Variants in CALCRL observed in about 807,000 individuals in gnomAD.
CALCRL encodes calcitonin gene-related peptide type 1 receptor.
In CALCRL, 27 loss-of-function variants were observed where a neutral mutation model predicts 60.4. That is an observed-to-expected ratio of 0.45 (90% CI 0.33 to 0.62). The LOEUF (loss-of-function observed/expected upper bound fraction) is 0.62, where lower values mean the gene tolerates loss of function less well. Ranked by LOEUF, CALCRL falls within the 20% of genes least tolerant of loss-of-function variation. CALCRL has a pLI of 0.03. For missense variants in CALCRL, 424 were observed against 540.7 expected (o/e 0.78, Z 2.14); for synonymous variants, 190 against 182.6 (o/e 1.04, Z -0.33).
intron 1 of CALCRL, among the ~76,000 whole-genome samples, chr2:187,411,484 T>C (rs1055898085): frequency 6.6e-6 from 1 of 152,150 alleles, no homozygotes; most frequent in African/African-American, 2.4e-5. Flanking sequence ...TGATTTAGTG[T>C]TACAAGGATG....
chr2:187,414,973 A>G (rs1340674781), intron 1 of CALCRL, among the ~76,000 whole-genome samples: 2 of 151,888 alleles, frequency 1.3e-5, no homozygotes, highest in Admixed American at 1.3e-4. Flanking sequence ...AACAAGAAAT[A>G]CATTTTCTTT....
intron 13 of CALCRL, 39 bp downstream of exon 13, chr2:187,352,075 C>T (rs375422657): frequency 5.2e-5 from 82 of 1,589,292 alleles, no homozygotes; most frequent in Non-Finnish European, 6.8e-5. Context: ...TATTTAATTC[C>T]AAACTTCTCA....
chr2:187,376,717 G>C (rs1687771058), intron 8 of CALCRL, among the ~76,000 whole-genome samples: 1 of 152,042 alleles, frequency 6.6e-6, no homozygotes, highest in African/African-American at 2.4e-5. Context: ...TAACTTGTTT[G>C]GGACTGTATG....
At chr2:187,409,574 G>A (rs898291924) in intron 1 of CALCRL, among the ~76,000 whole-genome samples, 6 of 152,174 alleles carry the variant, frequency 3.9e-5, no homozygotes, top group Non-Finnish European at 8.8e-5. Context: ...AATGCTTATT[G>A]AGCCACTGGT....
chr2:187,398,505 T>C, intron 1 of CALCRL, among the ~76,000 whole-genome samples: 1 of 151,610 alleles, frequency 6.6e-6, no homozygotes, highest in South Asian at 2.1e-4. Context: ...TGATACTGTC[T>C]GATTAGCACA....
intron 1 of CALCRL, among the ~76,000 whole-genome samples, chr2:187,406,234 T>C (rs897185008): frequency 1.2e-4 from 18 of 151,336 alleles, no homozygotes; most frequent in Non-Finnish European, 8.8e-5. Context: ...AAAACATCAG[T>C]TCATCATCTA....
chr2:187,389,198 G>A (rs568170744), intron 1 of CALCRL, among the ~76,000 whole-genome samples: 3 of 151,452 alleles, frequency 2.0e-5, no homozygotes, highest in African/African-American at 7.3e-5. Flanking sequence ...TCAGTCTCTC[G>A]AATAACTGGT....
rs1686171154 is a variant in CALCRL, at chr2:187,343,669, A to G, written c.*2515T>C. On this transcript the variant is annotated 3_prime_UTR_variant, in exon 15 of 15. Transcript: ENST00000392370. The stretch of plus-strand genomic sequence containing the variant: ...CACAAGTAATCACAGTAAAATGCAG[A>G]TCTACATTTTAAAAGCTAGAAATTT... 1 of 151,630 alleles carries G rather than the reference A, an allele frequency of 6.6e-6. No homozygotes were observed. Among genetic ancestry groups the G allele is most frequent in the African/African-American group, 2.4e-5 (1 of 41,416 alleles). 9.4% of individuals were successfully genotyped at this position (151,630 alleles called of 1,614,324 possible). A position where few individuals can be genotyped will look rare whatever the true frequency, so the allele number is the denominator to read the frequency against.
In CALCRL at chr2:187,363,389, A is replaced by C. The variant is rs367701513; in HGVS notation, c.614T>G (p.Val205Gly). Residue 205 changes from valine (V) to glycine (G), a missense_variant, in exon 9 of 15, where the codon GTA becomes GGA. Coordinates refer to ENST00000392370, the MANE Select transcript of CALCRL (RefSeq NM_005795.6). ...LTAVANNQAL[V>G]ATNPVSCKVS... ...TGGTTTACTTACAGGATTTGTGGCT[A>C]CTAAGGCCTGGTTGTTGGCCACTGC... 6.2e-7 allele frequency: 1 copy of C among 1,610,902 alleles called. No individual in the cohort carries two copies.
chr2:187,409,310 A>G (rs907545577), intron 1 of CALCRL, among the ~76,000 whole-genome samples: 1 of 152,214 alleles, frequency 6.6e-6, no homozygotes, highest in Non-Finnish European at 1.5e-5. Context: ...AAACGTTATT[A>G]AGATCTAAAC....
At chr2:187,354,744 G>A (rs1381326083) in intron 12 of CALCRL, among the ~76,000 whole-genome samples, 1 of 151,918 alleles carries the variant, frequency 6.6e-6, no homozygotes, top group African/African-American at 2.4e-5. Flanking sequence ...CAGCTTGATG[G>A]GCTATATTCC....
At chr2:187,379,108 C>A in intron 7 of CALCRL, 77 bp from the exon 8 acceptor site, 1 of 722,388 alleles carries the variant, frequency 1.4e-6, no homozygotes, top group South Asian at 1.7e-5. Context: ...TGCAGAAGTT[C>A]AAATTCAGTT....
At chr2:187,431,451 C>T (rs1690401710) in intron 1 of CALCRL, 2 of 154,684 alleles carry the variant, frequency 1.3e-5, no homozygotes, top group African/African-American at 4.8e-5. Flanking sequence ...AAGTTAAATA[C>T]TAGTGTGTTT....
intron 9 of CALCRL, among the ~76,000 whole-genome samples, chr2:187,361,412 G>A (rs1471580087): frequency 6.6e-6 from 1 of 151,896 alleles, no homozygotes; most frequent in Non-Finnish European, 1.5e-5. Context: ...AAGAGTAAGA[G>A]TGAGTTTACT....
chr2:187,410,795 G>A (rs1015158626), intron 1 of CALCRL, among the ~76,000 whole-genome samples: 5 of 152,110 alleles, frequency 3.3e-5, no homozygotes, highest in Admixed American at 2.0e-4. Flanking sequence ...AGGTGCATGT[G>A]GGCCTTGATA....
rs1182477595 is a variant in CALCRL at position 187,346,044 on chromosome 2, A to G, written c.*140T>C. ...CTGGATGTTACACTCTTATCAACAC[A>G]CTACTAATTTCATGTGAAGGCTCTT... On this transcript the variant is annotated 3_prime_UTR_variant, in exon 15 of 15. Coordinates refer to ENST00000392370, the MANE Select transcript of CALCRL (RefSeq NM_005795.6). 1 of 594,872 alleles carries G rather than the reference A, an allele frequency of 1.7e-6. No homozygotes were observed. Among genetic ancestry groups the G allele is most frequent in the Non-Finnish European group, 3.0e-6 (1 of 334,570 alleles). The allele number at this position is 594,872 out of a possible 1,614,324, so 36.8% of individuals were successfully genotyped here.
At chr2:187,386,128 C>A in intron 3 of CALCRL, among the ~76,000 whole-genome samples, 1 of 55,814 alleles carries the variant, frequency 1.8e-5, no homozygotes, top group African/African-American at 7.1e-5. Flanking sequence ...AGAAAAACTT[C>A]TTATAGATAG....
intron 1 of CALCRL, among the ~76,000 whole-genome samples, chr2:187,399,148 A>G (rs1179953123): frequency 6.6e-6 from 1 of 151,594 alleles, no homozygotes; most frequent in Non-Finnish European, 1.5e-5. Flanking sequence ...GCACCTTTTC[A>G]TCTTGTAATG....
intron 1 of CALCRL, among the ~76,000 whole-genome samples, chr2:187,395,682 A>G (rs933425382): frequency 1.3e-5 from 2 of 152,134 alleles, no homozygotes; most frequent in African/African-American, 4.8e-5. Context: ...GTTGAAGAAC[A>G]GTATTCTACT....
Sources: allele counts gnomAD v4.1 joint callset (sites outside exome capture counted in the v4.1 genomes callset), GRCh38; gene constraint gnomAD v4.1.1; transcripts MANE v1.5; gene names NCBI Gene and HGNC (gene_info 2026-07-23, HGNC 2026-07-21).